The following EFHC2 variants were observed in gnomAD, a reference collection of about 807,000 sequenced individuals.
The protein encoded by EFHC2 is EF-hand domain-containing family member C2.
In EFHC2, 18 loss-of-function variants were observed where a neutral mutation model predicts 52.7. The ratio of observed to expected loss-of-function variants is 0.34; its 90% CI spans 0.24 to 0.51. The LOEUF is 0.51. Among genes scored for constraint, EFHC2 ranks in the 20% least tolerant of loss-of-function variants. EFHC2 has a pLI of 0.97. For missense variants in EFHC2, 513 were observed against 562.5 expected, an observed-to-expected ratio of 0.91 and a Z score of 0.89; for synonymous variants, 203 against 204.1, an observed-to-expected ratio of 0.99 and a Z score of 0.04.
Position 44,343,567 on chromosome X carries a change from C to G in EFHC2, c.22G>C (p.Gly8Arg). Residue 8 changes from glycine to arginine, a missense_variant, in exon 1 of 15, where the codon GGC becomes CGC. Coordinates refer to ENST00000420999, the MANE Select transcript of EFHC2 (RefSeq NM_025184.4). MALPLLP[G>R]NSFNRNVGKE... ...CTCACGTTGCGGTTGAAGCTGTTGC[C>G]CGGCAGCAGAGGCAGGGCCATGGCG... The G allele has an allele frequency of 8.3e-7, 1 of 1,198,041 alleles. No individual in the cohort carries two copies. Among genetic ancestry groups the G allele is most frequent in the Non-Finnish European group, 1.1e-6 (1 of 888,642 alleles).
At chrX:44,336,248 G>A (rs1340248885) in intron 1 of EFHC2, among the ~76,000 whole-genome samples, 3 of 109,689 alleles carry the variant, frequency 2.7e-5, no homozygotes, top group African/African-American at 1.0e-4. Context: ...TTAGCCGGGC[G>A]TGGTGGCACA....
At chrX:44,192,243 A>T (rs1484804320) in intron 11 of EFHC2, among the ~76,000 whole-genome samples, 1 of 111,749 alleles carries the variant, frequency 8.9e-6, no homozygotes, top group East Asian at 2.8e-4. Context: ...GAAACTAGAT[A>T]TTTTTTGTTT....
chrX:44,266,066 T>C (rs771437644), intron 3 of EFHC2, among the ~76,000 whole-genome samples: 1 of 112,060 alleles, frequency 8.9e-6, no homozygotes, highest in East Asian at 2.8e-4. Context: ...ATTCAATCTA[T>C]GATCTGCTCC....
intron 2 of EFHC2, among the ~76,000 whole-genome samples, chrX:44,287,741 G>A (rs1434286746): frequency 8.9e-6 from 1 of 112,335 alleles, no homozygotes; most frequent in Non-Finnish European, 1.9e-5. Flanking sequence ...AAAGTAGCCA[G>A]TAATCTAGAA....
chrX:44,306,703 G>A (rs377249911), intron 2 of EFHC2, among the ~76,000 whole-genome samples: 81 of 112,099 alleles, frequency 7.2e-4, no homozygotes, highest in Non-Finnish European at 1.3e-3. Context: ...ACTTGAGCAA[G>A]GCATTTTGGT....
chrX:44,320,998 G>A lies in EFHC2; in HGVS notation c.43-8242C>T, dbSNP rs755553272. On this transcript the variant is annotated intron_variant, in intron 1 of 14. Transcript: ENST00000420999. The stretch of plus-strand genomic sequence containing the variant: ...TTTTGAGCAGGGCATAGAAAGGATC[G>A]CTCTGGCCACAATACAAAGAACTGG... Among the ~76,000 whole-genome samples, 16 of 111,626 alleles carry A rather than the reference G, an allele frequency of 1.4e-4. No individual in the cohort carries two copies. The Admixed American group carries it at 1.5e-3, about 11-fold the overall frequency.
At chrX:44,218,249 C>T (rs778251405) in intron 11 of EFHC2, among the ~76,000 whole-genome samples, 6 of 110,514 alleles carry the variant, frequency 5.4e-5, no homozygotes, top group Admixed American at 9.7e-5. Context: ...GAATGTATTA[C>T]ATAAGGAAAC....
intron 9 of EFHC2, among the ~76,000 whole-genome samples, chrX:44,234,866 G>A (rs1247259576): frequency 2.7e-5 from 3 of 111,705 alleles, no homozygotes; most frequent in Non-Finnish European, 5.6e-5. Flanking sequence ...GGACCCTGAC[G>A]ATTGAATTTG....
intron 3 of EFHC2, among the ~76,000 whole-genome samples, chrX:44,265,534 G>T (rs1175525659): frequency 8.9e-6 from 1 of 112,098 alleles, no homozygotes; most frequent in Non-Finnish European, 1.9e-5. Context: ...CTCACAAAGT[G>T]CTGGGATTAC....
intron 14 of EFHC2, among the ~76,000 whole-genome samples, chrX:44,159,169 T>C (rs1230921332): frequency 9.0e-6 from 1 of 111,440 alleles, no homozygotes; most frequent in Non-Finnish European, 1.9e-5. Context: ...TTCTTCTTTT[T>C]TTCCCCCACC....
At chrX:44,192,659 T>C (rs918341893) in intron 11 of EFHC2, among the ~76,000 whole-genome samples, 1 of 111,238 alleles carries the variant, frequency 9.0e-6, no homozygotes, top group African/African-American at 3.3e-5. Context: ...TTCTTTGTCA[T>C]TGTTTCAATC....
chrX:44,217,271 T>G (rs1049074412), intron 11 of EFHC2, among the ~76,000 whole-genome samples: 8 of 111,063 alleles, frequency 7.2e-5, no homozygotes, highest in African/African-American at 2.6e-4. Flanking sequence ...ACACTGCTGG[T>G]GGGAATGTAA....
chrX:44,283,049 C>T (rs909220997), intron 2 of EFHC2, among the ~76,000 whole-genome samples: 1 of 111,825 alleles, frequency 8.9e-6, no homozygotes, highest in Non-Finnish European at 1.9e-5. Context: ...CGTTGGGGAT[C>T]AGGGCATCTA....
chrX:44,229,651 G>C lies in EFHC2; in HGVS notation c.1749C>G (p.Phe583Leu). The C allele has an allele frequency of 1.7e-6, 2 of 1,210,917 alleles. No homozygotes were observed. Among genetic ancestry groups the C allele is most frequent in the African/African-American group, 1.7e-5 (1 of 57,687 alleles). Reference sequence around the variant, plus strand: ...ATTGTTAGCAGAATATGGCTTACCTGAATGTATTATAATCCACCATATTTG... The same window carrying C: ...ATTGTTAGCAGAATATGGCTTACCTCAATGTATTATAATCCACCATATTTG... ...KHTNMVDYNT[F>L]RDILMSLTVG... Residue 583 changes from phenylalanine to leucine, a missense_variant and splice_region_variant, in exon 11 of 15, where the codon TTC (phenylalanine) becomes TTG (leucine). Transcript: ENST00000420999.
chrX:44,256,318 C>CA (rs1393964849), intron 4 of EFHC2, among the ~76,000 whole-genome samples: 2 of 110,719 alleles, frequency 1.8e-5, no homozygotes, highest in Non-Finnish European at 3.8e-5. Flanking sequence ...GATAGAGACA[C>CA]AAAAAACCCT....
At chrX:44,299,733 A>G (rs2037854842) in intron 2 of EFHC2, among the ~76,000 whole-genome samples, 1 of 112,210 alleles carries the variant, frequency 8.9e-6, no homozygotes, top group African/African-American at 3.2e-5. Context: ...AAATTGATTG[A>G]GACCTGTCTC....
chrX:44,273,198 T>C (rs2037629682), intron 2 of EFHC2, among the ~76,000 whole-genome samples: 1 of 112,712 alleles, frequency 8.9e-6, no homozygotes, highest in South Asian at 3.7e-4. Context: ...TGAATAAGTT[T>C]TGTCATTTTT....
chrX:44,192,061 A>AGTGTGTGT lies in EFHC2; in HGVS notation c.1752-13505_1752-13498dup, dbSNP rs3037410. On this transcript the variant is annotated intron_variant, in intron 11 of 14. Coordinates refer to ENST00000420999, the MANE Select transcript of EFHC2 (RefSeq NM_025184.4). Reference sequence around the variant, plus strand: ...TTTTCACTTTGAATTCACATATGTAAGTGTGTGTGTGTGTGTGTGTGTGTG... The same window carrying AGTGTGTGT: ...TTTTCACTTTGAATTCACATATGTAAGTGTGTGTGTGTGTGTGTGTGTGTGTGTGTGTG... 7.7e-3 allele frequency among the ~76,000 whole-genome samples: 736 copies of AGTGTGTGT among 95,341 alleles called. 7 individuals carry two copies. The highest frequency in any genetic ancestry group is 0.042 in the Middle Eastern group (8 of 191). 82.8% of individuals were successfully genotyped at this position (95,341 alleles called of 115,157 possible).
chrX:44,160,524 CTCAT>C (rs1476958014), intron 14 of EFHC2, among the ~76,000 whole-genome samples: 2 of 111,607 alleles, frequency 1.8e-5, no homozygotes, highest in African/African-American at 3.3e-5. Flanking sequence ...ATGACAGGAT[CTCAT>C]TCAAACTCAA....
Sources: gnomAD v4.1 joint callset for allele counts (sites outside exome capture counted in the v4.1 genomes callset) on GRCh38, gnomAD v4.1.1 for gene constraint, MANE v1.5 for transcripts, NCBI Gene and HGNC (gene_info 2026-07-23, HGNC 2026-07-21) for gene names.